Variants in NUB1 observed in about 807,000 individuals in gnomAD.
The protein encoded by NUB1 is NEDD8 ultimate buster 1.
NUB1 carries 41 observed loss-of-function variants against 77.1 expected under a neutral mutation model. The ratio of observed to expected loss-of-function variants is 0.53; its 90% CI spans 0.41 to 0.69. NUB1 has a LOEUF of 0.69. Among genes scored for constraint, NUB1 ranks in the 30% least tolerant of loss-of-function variants. NUB1 has a pLI of 0.00. For missense variants in NUB1, 643 were observed against 743.8 expected (o/e 0.86, Z 1.58); for synonymous variants, 257 against 281.0 (o/e 0.91, Z 0.85).
At chr7:151,372,835 T>C (rs1205314905) in intron 11 of NUB1, among the ~76,000 whole-genome samples, 1 of 151,442 alleles carries the variant, frequency 6.6e-6, no homozygotes, top group African/African-American at 2.4e-5. Flanking sequence ...GAGCACGTAA[T>C]GGGGGCATGA....
chr7:151,356,028 T>C (rs1026577575), intron 6 of NUB1, 78 bp downstream of exon 6: 6 of 1,536,220 alleles, frequency 3.9e-6, no homozygotes, highest in African/African-American at 2.7e-5. Context: ...GGATCATGGC[T>C]CTCACTGAGT....
At chr7:151,346,882 A>C (rs1046569967) in intron 2 of NUB1, among the ~76,000 whole-genome samples, 13 of 152,220 alleles carry the variant, frequency 8.5e-5, no homozygotes, top group Non-Finnish European at 1.6e-4. Context: ...TAAGTCAGAC[A>C]AAAGTATGGG....
intron 2 of NUB1, among the ~76,000 whole-genome samples, chr7:151,348,569 CTTTTTT>C (rs59781719): frequency 0.12 from 8,352 of 70,114 alleles, 181 homozygotes; most frequent in Middle Eastern, 0.2. Flanking sequence ...TTGCTTTTTG[CTTTTTT>C]TTTTTTTTTT....
intron 8 of NUB1, among the ~76,000 whole-genome samples, chr7:151,363,334 A>G (rs1797476284): frequency 6.6e-6 from 1 of 152,236 alleles, no homozygotes; most frequent in African/African-American, 2.4e-5. Context: ...GAAAAGTACA[A>G]CATCCAAGAT....
In NUB1 at chr7:151,367,092, C is replaced by A; in HGVS notation, c.954C>A (p.Tyr318Ter). The A allele has an allele frequency of 6.2e-7, 1 of 1,613,546 alleles. No homozygotes were observed. The highest frequency in any genetic ancestry group is 8.5e-7 in the Non-Finnish European group (1 of 1,179,718). Residue 318 changes from tyrosine (Y) to a stop codon, truncating the protein, a stop_gained, in exon 9 of 15, where the codon TAC becomes TAA. Coordinates refer to ENST00000568733, the MANE Select transcript of NUB1 (RefSeq NM_001243351.2). LOFTEE classifies it high-confidence loss of function. The part of the protein sequence containing the change: ...NLAQKCFKNC[Y>*]GENHQRLVHI... ...CCCAGAAATGCTTTAAAAATTGTTA[C>A]GGAGAAAATCATCAGAGACTGGTCC...
chr7:151,342,427 G>A (rs895511997), intron 1 of NUB1, among the ~76,000 whole-genome samples: 1 of 152,174 alleles, frequency 6.6e-6, no homozygotes, highest in African/African-American at 2.4e-5. Flanking sequence ...GCTAAATGTA[G>A]CAATGATCGA....
At position 151,375,942 on chromosome 7, in the gene NUB1, G is replaced by T. The variant is rs376679280; in HGVS notation, c.1490G>T (p.Arg497Leu). The T allele has an allele frequency of 1.2e-6, 2 of 1,604,576 alleles. No individual in the cohort carries two copies. The highest frequency in any genetic ancestry group is 1.3e-5 in the African/African-American group (1 of 74,882). Residue 497 changes from arginine to leucine, a missense_variant and splice_region_variant, in exon 13 of 15, where the codon CGA becomes CTA. Coordinates refer to ENST00000568733, the MANE Select transcript of NUB1 (RefSeq NM_001243351.2). Reference sequence around the variant, plus strand: ...AGTCCTTCCCAGGAAAACATTGACCGAGTGAGTGACAGGCCTTTGTGCCCT... The same window carrying T: ...AGTCCTTCCCAGGAAAACATTGACCTAGTGAGTGACAGGCCTTTGTGCCCT... ...QESPSQENID[R>L]LVYMGFDALV...
At chr7:151,367,204 C>T in intron 9 of NUB1, 79 bp downstream of exon 9, 1 of 1,166,202 alleles carries the variant, frequency 8.6e-7, no homozygotes, top group Non-Finnish European at 1.2e-6. Context: ...AGTATTTGAA[C>T]TACTGCCAGA....
chr7:151,342,483 G>C (rs1796260282), intron 1 of NUB1, among the ~76,000 whole-genome samples: 1 of 152,148 alleles, frequency 6.6e-6, no homozygotes, highest in Non-Finnish European at 1.5e-5. Flanking sequence ...TCGTTATAAC[G>C]TTTCACTTTC....
At chr7:151,346,660 T>G (rs1004841491) in intron 2 of NUB1, among the ~76,000 whole-genome samples, 2 of 152,206 alleles carry the variant, frequency 1.3e-5, no homozygotes, top group Non-Finnish European at 2.9e-5. Context: ...CATCCACATG[T>G]CGGGATGTAC....
chr7:151,357,407 A>G (rs933614407), intron 7 of NUB1, among the ~76,000 whole-genome samples: 1 of 151,914 alleles, frequency 6.6e-6, no homozygotes, highest in Non-Finnish European at 1.5e-5. Flanking sequence ...TACAGGTGTG[A>G]GCCACTGCAC....
chr7:151,378,026 C>CAG lies in NUB1; in HGVS notation c.*805_*806dup, dbSNP rs1401610217. The stretch of plus-strand genomic sequence containing the variant: ...ACTCACTGCTAGCTAAGAGACCTAT[C>CAG]AGAGATTTAGATATATTTTCTCCAG... On this transcript the variant is annotated 3_prime_UTR_variant, in exon 15 of 15. Coordinates refer to ENST00000568733, the MANE Select transcript of NUB1 (RefSeq NM_001243351.2). The CAG allele has an allele frequency of 1.3e-5, 2 of 152,230 alleles. No homozygotes were observed. Among genetic ancestry groups the CAG allele is most frequent in the Admixed American group, 6.5e-5 (1 of 15,278 alleles). The allele number at this position is 152,230 out of a possible 1,614,324, so 9.4% of individuals were successfully genotyped here.
At chr7:151,355,975 C>T in intron 6 of NUB1, 25 bp downstream of exon 6, 1 of 1,610,328 alleles carries the variant, frequency 6.2e-7, no homozygotes, top group Non-Finnish European at 8.5e-7. Context: ...GGGCTTGTCA[C>T]CCACTCAGCT....
chr7:151,374,883 T>TG (rs1200005927), intron 12 of NUB1, among the ~76,000 whole-genome samples: 2 of 152,038 alleles, frequency 1.3e-5, no homozygotes, highest in Admixed American at 6.5e-5. Flanking sequence ...GCACACGTGG[T>TG]GAGGGGTCCC....
At chr7:151,352,783 C>T (rs954399411) in intron 4 of NUB1, 29 bp from the exon 5 acceptor site, 6 of 1,386,322 alleles carry the variant, frequency 4.3e-6, no homozygotes, top group Non-Finnish European at 6.1e-6. Context: ...TTTTGTTTTC[C>T]TACAATTTTC....
At position 151,355,417 on chromosome 7, in the gene NUB1, G is replaced by A. The variant is rs188991370; in HGVS notation, c.416-351G>A. 3.0e-3 allele frequency among the ~76,000 whole-genome samples: 464 copies of A among 152,346 alleles called. 1 individual carries two copies. Among genetic ancestry groups the A allele is most frequent in the Non-Finnish European group, 5.2e-3 (353 of 68,030 alleles). On this transcript the variant is annotated intron_variant, in intron 5 of 14. Coordinates refer to ENST00000568733, the MANE Select transcript of NUB1 (RefSeq NM_001243351.2). ...TGTCCAGGAGCAAGGCCTGATGTCTGTAACCCAGCACTTTGTGAGGCTGAG... is the reference window on the plus strand; with the variant it reads ...TGTCCAGGAGCAAGGCCTGATGTCTATAACCCAGCACTTTGTGAGGCTGAG...
At chr7:151,376,540 TAAAC>T (rs1463725227) in intron 13 of NUB1, 90 bp from the exon 14 acceptor site, 38 of 1,254,460 alleles carry the variant, frequency 3.0e-5, no homozygotes, top group Non-Finnish European at 4.1e-5. Context: ...CGGGAGCTCT[TAAAC>T]ATGAGAGTCG....
At chr7:151,368,083 C>T (rs936582462) in intron 10 of NUB1, 115 bp downstream of exon 10, 10 of 630,054 alleles carry the variant, frequency 1.6e-5, no homozygotes, top group South Asian at 1.6e-4. Flanking sequence ...GTGCTTTCTC[C>T]GTGCACAGGA....
chr7:151,362,425 C>T (rs1175981265), intron 8 of NUB1, among the ~76,000 whole-genome samples: 3 of 152,172 alleles, frequency 2.0e-5, no homozygotes, highest in Admixed American at 2.0e-4. Context: ...TGACTTTTCC[C>T]CCTTACTTCT....
Sources: gnomAD v4.1 joint callset for allele counts (sites outside exome capture counted in the v4.1 genomes callset) on GRCh38, gnomAD v4.1.1 for gene constraint, MANE v1.5 for transcripts, NCBI Gene and HGNC (gene_info 2026-07-23, HGNC 2026-07-21) for gene names.